Variants in GPC4 observed in about 807,000 individuals in gnomAD.
GPC4 encodes the protein glypican-4.
A neutral mutation model predicts 35.0 loss-of-function variants in GPC4; 10 were observed. The ratio of observed to expected loss-of-function variants is 0.29; its 90% CI spans 0.18 to 0.48. The LOEUF is 0.48. Among genes scored for constraint, GPC4 ranks in the 20% least tolerant of loss-of-function variants. The pLI is 0.99. For missense variants in GPC4, 322 were observed against 451.3 expected, an observed-to-expected ratio of 0.71 and a Z score of 2.60; for synonymous variants, 167 against 170.2, an observed-to-expected ratio of 0.98 and a Z score of 0.15.
chrX:133,305,989 C>G (rs1427653633), intron 5 of GPC4, 35 bp downstream of exon 5: 9 of 1,209,555 alleles, frequency 7.4e-6, no homozygotes, highest in Non-Finnish European at 1.0e-5. Flanking sequence ...GGGGGAGGTC[C>G]CTAGCTCCCC....
At chrX:133,402,228 A>G (rs946356517) in intron 1 of GPC4, among the ~76,000 whole-genome samples, 1 of 111,951 alleles carries the variant, frequency 8.9e-6, no homozygotes, top group African/African-American at 3.2e-5. Flanking sequence ...CAAACACCAG[A>G]CCGAAAACTC....
chrX:133,341,128 C>G (rs2068465189), intron 1 of GPC4, among the ~76,000 whole-genome samples: 1 of 111,873 alleles, frequency 8.9e-6, no homozygotes, highest in Admixed American at 9.5e-5. Flanking sequence ...CAACCAAAAA[C>G]AAAACTCCCT....
At chrX:133,313,219 G>T (rs1400956737) in intron 3 of GPC4, among the ~76,000 whole-genome samples, 1 of 111,972 alleles carries the variant, frequency 8.9e-6, no homozygotes, top group Non-Finnish European at 1.9e-5. Context: ...GGGATTAGTG[G>T]TGTCAGGAGA....
At chrX:133,309,504 T>C (rs1471529304) in intron 4 of GPC4, among the ~76,000 whole-genome samples, 1 of 112,809 alleles carries the variant, frequency 8.9e-6, no homozygotes, top group Non-Finnish European at 1.9e-5. Flanking sequence ...AGTTTAGTTA[T>C]AGTTGCTGCT....
At chrX:133,303,447 T>C (rs968914455) in intron 7 of GPC4, 106 bp from the exon 8 acceptor site, 2 of 627,835 alleles carry the variant, frequency 3.2e-6, no homozygotes, top group Admixed American at 7.2e-5. Flanking sequence ...ATGAAGATTA[T>C]ACAAGAGGTT....
intron 2 of GPC4, among the ~76,000 whole-genome samples, chrX:133,327,233 T>G (rs1157635310): frequency 8.9e-6 from 1 of 112,041 alleles, no homozygotes; most frequent in Non-Finnish European, 1.9e-5. Context: ...TTCAGACTCA[T>G]TTAGTAAGTA....
At chrX:133,361,759 A>G (rs888510426) in intron 1 of GPC4, among the ~76,000 whole-genome samples, 33 of 111,915 alleles carry the variant, frequency 2.9e-4, no homozygotes, top group African/African-American at 9.8e-4. Context: ...CTAGAACACA[A>G]AACTGCATAA....
chrX:133,317,162 G>A (rs1221393998), intron 3 of GPC4, among the ~76,000 whole-genome samples: 1 of 110,816 alleles, frequency 9.0e-6, no homozygotes, highest in Non-Finnish European at 1.9e-5. Context: ...CTTCAAGACT[G>A]ACAGAGGTCT....
At chrX:133,354,727 C>T (rs1433688801) in intron 1 of GPC4, among the ~76,000 whole-genome samples, 3 of 106,396 alleles carry the variant, frequency 2.8e-5, no homozygotes, top group African/African-American at 1.0e-4. Context: ...CGCCACCGCG[C>T]CCGGCTAATT....
chrX:133,371,443 C>A (rs988760455), intron 1 of GPC4, among the ~76,000 whole-genome samples: 1 of 112,050 alleles, frequency 8.9e-6, no homozygotes, highest in Non-Finnish European at 1.9e-5. Flanking sequence ...CTTAAAAACT[C>A]ACATACACAT....
intron 1 of GPC4, 45 bp downstream of exon 1, chrX:133,414,761 C>T: frequency 8.4e-7 from 1 of 1,192,037 alleles, no homozygotes; most frequent in South Asian, 1.9e-5. Flanking sequence ...CCTCCCTTCC[C>T]GAAGTGTCGG....
intron 1 of GPC4, among the ~76,000 whole-genome samples, chrX:133,382,615 G>C (rs1042730781): frequency 3.7e-5 from 4 of 108,749 alleles, no homozygotes; most frequent in African/African-American, 1.3e-4. Context: ...TGTAGTCCCA[G>C]CTACTTGGGA....
chrX:133,405,441 A>G (rs978805292), intron 1 of GPC4, among the ~76,000 whole-genome samples: 4 of 112,265 alleles, frequency 3.6e-5, no homozygotes, highest in Non-Finnish European at 7.5e-5. Context: ...GAACTTTTAA[A>G]TCAGAATAAG....
At chrX:133,327,007 T>C (rs1406810634) in intron 2 of GPC4, among the ~76,000 whole-genome samples, 2 of 112,879 alleles carry the variant, frequency 1.8e-5, no homozygotes, top group Admixed American at 9.3e-5. Flanking sequence ...GTTGCACACA[T>C]AGCTATCACA....
Position 133,324,223 on chromosome X carries a change from A to G in GPC4, c.633T>C (p.Val211=). ...TACGGGCTGCTACAAAAGCACGAGT[A>G]ACCTGGAGCTTCAATTTGCGAGGGA... is the stretch of plus-strand genomic sequence containing the variant. The part of the protein sequence containing the change: ...GDVPRKLKLQ[V]TRAFVAARTF... Residue 211 remains valine (V), a synonymous_variant, in exon 3 of 9, where the codon GTT becomes GTC. Transcript: ENST00000370828. 1 of 1,211,705 alleles carries G rather than the reference A, an allele frequency of 8.3e-7. No individual in the cohort carries two copies. Among genetic ancestry groups the G allele is most frequent in the Non-Finnish European group, 1.1e-6 (1 of 895,375 alleles).
Position 133,302,083 on chromosome X carries a change from T to C in GPC4, c.*784A>G, listed in dbSNP as rs1569339720. The C allele has an allele frequency of 8.9e-6, 1 of 112,269 alleles. No individual in the cohort carries two copies. Among genetic ancestry groups the C allele is most frequent in the Non-Finnish European group, 1.9e-5 (1 of 53,281 alleles). The allele number at this position is 112,269 out of a possible 1,213,427, so 9.3% of individuals were successfully genotyped here. A position where few individuals can be genotyped will look rare whatever the true frequency, so the allele number is the denominator to read the frequency against. ...CAAGGGGGATGATATCCAGAATCTT[T>C]TTCTAAATGGGTTACATTTTATGTA... On this transcript the variant is annotated 3_prime_UTR_variant, in exon 9 of 9. Transcript: ENST00000370828.
Position 133,304,734 on chromosome X carries a change from C to A in GPC4, c.1283G>T (p.Gly428Val). ...GNEDDCWNGK[G>V]KSRYLFAVTG... ...TTCAACAGACACTAACCTGCTTTTGCCTTTCCCATTCCAACAGTCATCCTC... is the reference window on the plus strand; with the variant it reads ...TTCAACAGACACTAACCTGCTTTTGACTTTCCCATTCCAACAGTCATCCTC... Residue 428 changes from glycine to valine, a missense_variant, in exon 7 of 9, where the codon GGC becomes GTC. Physicochemically the swap from Gly to Val is moderately radical, Grantham distance 109. Coordinates refer to ENST00000370828, the MANE Select transcript of GPC4 (RefSeq NM_001448.3). 2 of 1,211,615 alleles carry A rather than the reference C, an allele frequency of 1.7e-6. No individual in the cohort carries two copies. The highest frequency in any genetic ancestry group is 2.2e-6 in the Non-Finnish European group (2 of 895,349).
At chrX:133,311,101 T>C (rs1486246768) in intron 4 of GPC4, among the ~76,000 whole-genome samples, 157 bp downstream of exon 4, 7 of 112,754 alleles carry the variant, frequency 6.2e-5, no homozygotes, top group Non-Finnish European at 1.3e-4. Context: ...GTAATGTTTT[T>C]ACTATTCTCA....
chrX:133,325,730 C>T (rs969936109), intron 2 of GPC4, among the ~76,000 whole-genome samples: 11 of 112,172 alleles, frequency 9.8e-5, no homozygotes, highest in African/African-American at 3.6e-4. Context: ...AAAGCCAGAA[C>T]ATTGGTGAGC....
Sources: gnomAD v4.1 joint callset for allele counts (sites outside exome capture counted in the v4.1 genomes callset) on GRCh38, gnomAD v4.1.1 for gene constraint, MANE v1.5 for transcripts, NCBI Gene and HGNC (gene_info 2026-07-23, HGNC 2026-07-21) for gene names.